CORO2B: variants seen among roughly 807,000 people sequenced by gnomAD.
The protein encoded by CORO2B is coronin-2B.
A neutral mutation model predicts 58.8 loss-of-function variants in CORO2B; 26 were observed. The observed-to-expected ratio is 0.44, with a 90% confidence interval of 0.32 to 0.61. The LOEUF (loss-of-function observed/expected upper bound fraction) is 0.61, where lower values mean the gene tolerates loss of function less well. Ranked by LOEUF, CORO2B falls within the 20% of genes least tolerant of loss-of-function variation. The probability of loss-of-function intolerance (pLI) is 0.04; values close to 1 mark genes in which losing one functional copy is unlikely to be tolerated. For missense variants in CORO2B, 460 were observed against 645.1 expected, an observed-to-expected ratio of 0.71 and a Z score of 3.11; for synonymous variants, 242 against 253.8, an observed-to-expected ratio of 0.95 and a Z score of 0.44.
chr15:68,669,556 C>T (rs1322779880), intron 2 of CORO2B, among the ~76,000 whole-genome samples: 4 of 152,056 alleles, frequency 2.6e-5, no homozygotes, highest in South Asian at 2.1e-4. Flanking sequence ...AATCTATTCC[C>T]GGGACTGACC....
At chr15:68,708,357 C>CTTTTTTTTTTT (rs921103212) in intron 3 of CORO2B, among the ~76,000 whole-genome samples, 125 of 114,926 alleles carry the variant, frequency 1.1e-3, no homozygotes, top group Non-Finnish European at 1.4e-3. Flanking sequence ...TTTTTTTCTT[C>CTTTTTTTTTTT]TTTTTTTTTT....
At chr15:68,592,065 C>G (rs1899721393) in intron 1 of CORO2B, among the ~76,000 whole-genome samples, 1 of 152,020 alleles carries the variant, frequency 6.6e-6, no homozygotes, top group Non-Finnish European at 1.5e-5. Flanking sequence ...CCTGTTTTAC[C>G]CTCTTCCCTT....
At chr15:68,654,274 A>C (rs1901733053) in intron 2 of CORO2B, among the ~76,000 whole-genome samples, 1 of 152,218 alleles carries the variant, frequency 6.6e-6, no homozygotes, top group Non-Finnish European at 1.5e-5. Context: ...CTGGATTTGG[A>C]GTCCAGGGGG....
the CORO2B span, among the ~76,000 whole-genome samples, chr15:68,535,472 G>T: frequency 2.0e-5 from 3 of 152,152 alleles, no homozygotes; most frequent in Non-Finnish European, 4.4e-5. Context: ...ATGAGATGAA[G>T]TATGTCAGGA....
chr15:68,531,247 G>A, the CORO2B span, among the ~76,000 whole-genome samples: 3 of 152,222 alleles, frequency 2.0e-5, no homozygotes, highest in South Asian at 2.1e-4. Flanking sequence ...TTGGGAGGCC[G>A]AGGTGGGTGG....
At chr15:68,611,773 TTC>T (rs1900253636) in intron 1 of CORO2B, among the ~76,000 whole-genome samples, 1 of 151,754 alleles carries the variant, frequency 6.6e-6, no homozygotes, top group African/African-American at 2.4e-5. Flanking sequence ...TCCACTTTTT[TTC>T]TTTTTTTTTT....
intron 1 of CORO2B, among the ~76,000 whole-genome samples, chr15:68,580,313 G>A (rs1899396329): frequency 6.6e-6 from 1 of 151,688 alleles, no homozygotes; most frequent in Non-Finnish European, 1.5e-5. Flanking sequence ...CAGCTGCCCA[G>A]CTGGGTCCCA....
chr15:68,592,119 G>A (rs1395499275), intron 1 of CORO2B, among the ~76,000 whole-genome samples: 2 of 152,044 alleles, frequency 1.3e-5, no homozygotes, highest in Non-Finnish European at 1.5e-5. Flanking sequence ...CTCCTTCTGC[G>A]CCGTGTCCTC....
intron 3 of CORO2B, among the ~76,000 whole-genome samples, chr15:68,696,410 G>A (rs911663829): frequency 4.0e-5 from 6 of 151,772 alleles, no homozygotes; most frequent in African/African-American, 2.4e-5. Flanking sequence ...TTAGCCAGGC[G>A]TGGTGGCGCA....
intron 1 of CORO2B, among the ~76,000 whole-genome samples, chr15:68,587,947 C>G (rs1899607511): frequency 6.6e-6 from 1 of 152,194 alleles, no homozygotes; most frequent in East Asian, 1.9e-4. Context: ...AGACCCAGGC[C>G]TCGCTCTTGC....
In CORO2B at chr15:68,711,566, G is replaced by T; in HGVS notation, c.508G>T (p.Gly170Cys). ...YKVLIWNLDV[G>C]EPVKMIDCHT... Reference sequence around the variant, plus strand: ...GGTCCTCATCTGGAACCTGGATGTGGGTGAGCCGGTGAAGATGATTGACTG... The same window carrying T: ...GGTCCTCATCTGGAACCTGGATGTGTGTGAGCCGGTGAAGATGATTGACTG... The change falls in exon 5 of 12, where the codon GGT (glycine) becomes TGT (cysteine). Residue 170 changes from glycine to cysteine, a missense_variant. Physicochemically the swap from Gly to Cys is radical, Grantham distance 159. Around this residue, in one of 2 missense-constraint regions of CORO2B, gnomAD observed 352 missense variants for 543.0 expected, o/e 0.65. Transcript: ENST00000261861. 1.9e-6 allele frequency: 3 copies of T among 1,613,304 alleles called. No individual in the cohort carries two copies. The highest frequency in any genetic ancestry group is 2.5e-6 in the Non-Finnish European group (3 of 1,179,506).
At chr15:68,635,965 C>G (rs112065090) in intron 1 of CORO2B, among the ~76,000 whole-genome samples, 3,812 of 152,308 alleles carry the variant, frequency 0.025, 70 homozygotes, top group Non-Finnish European at 0.034. Context: ...CCCTCAACAG[C>G]AGCCAGGATA....
chr15:68,664,386 G>A (rs912243404), intron 2 of CORO2B, among the ~76,000 whole-genome samples: 8 of 152,218 alleles, frequency 5.3e-5, no homozygotes, highest in African/African-American at 9.6e-5. Flanking sequence ...GGTGGCTCAC[G>A]CTTGTAATCC....
At chr15:68,575,248 A>G (rs2140545411), upstream of CORO2B, among the ~76,000 whole-genome samples, 1 of 152,286 alleles carries the variant, frequency 6.6e-6, no homozygotes, top group East Asian at 1.9e-4. Flanking sequence ...CGCTAGGCTG[A>G]CAGGCAATTC....
chr15:68,533,225 T>A, the CORO2B span, among the ~76,000 whole-genome samples: 1 of 152,200 alleles, frequency 6.6e-6, no homozygotes, highest in Non-Finnish European at 1.5e-5. Flanking sequence ...TGGTGCCTGT[T>A]AACCAATATC....
At chr15:68,591,349 T>C (rs1269609013) in intron 1 of CORO2B, among the ~76,000 whole-genome samples, 3 of 151,982 alleles carry the variant, frequency 2.0e-5, no homozygotes, top group Non-Finnish European at 4.4e-5. Context: ...AGGGGAAACA[T>C]GTTTGGCTTA....
rs1356568569 is a variant in CORO2B, at chr15:68,695,233, G to T, written c.310G>T (p.Ala104Ser). Reference sequence around the variant, plus strand: ...GAACCCCTTCATCGACAACATCATTGCCTCGTGCTCGGAGGACACGTCGGT... The same window carrying T: ...GAACCCCTTCATCGACAACATCATTTCCTCGTGCTCGGAGGACACGTCGGT... ...KWNPFIDNII[A>S]SCSEDTSVRI... The change falls in exon 3 of 12, where the codon GCC becomes TCC. Residue 104 changes from alanine to serine, a missense_variant. Physicochemically the swap from Ala to Ser is moderately conservative, Grantham distance 99. Around this residue, in one of 2 missense-constraint regions of CORO2B, gnomAD observed 352 missense variants for 543.0 expected, o/e 0.65. Transcript: ENST00000261861. 6.2e-7 allele frequency: 1 copy of T among 1,614,024 alleles called. No homozygotes were observed. Among genetic ancestry groups the T allele is most frequent in the Admixed American group, 1.7e-5 (1 of 60,032 alleles).
chr15:68,610,512 C>T (rs989206907), intron 1 of CORO2B, among the ~76,000 whole-genome samples: 3 of 152,020 alleles, frequency 2.0e-5, no homozygotes, highest in Non-Finnish European at 2.9e-5. Context: ...GCTCACATCC[C>T]CTCCCTCATA....
chr15:68,691,754 A>C (rs1892383735), intron 2 of CORO2B, among the ~76,000 whole-genome samples: 2 of 151,842 alleles, frequency 1.3e-5, no homozygotes, highest in Admixed American at 6.6e-5. Context: ...TCCTTCTTCT[A>C]AATAGGCTCC....
Sources: gnomAD v4.1 joint callset for allele counts (sites outside exome capture counted in the v4.1 genomes callset) on GRCh38, gnomAD v4.1.1 for gene constraint, gnomAD v4.1.1 regional missense constraint, MANE v1.5 for transcripts, NCBI Gene and HGNC (gene_info 2026-07-23, HGNC 2026-07-21) for gene names.